ZFP14: variants seen among roughly 807,000 people sequenced by gnomAD.
ZFP14 encodes zinc finger protein 14 homolog.
In ZFP14, 22 loss-of-function variants were observed where a neutral mutation model predicts 54.5. The observed-to-expected ratio is 0.40, with a 90% CI of 0.29 to 0.58. The LOEUF is 0.58. Among genes scored for constraint, ZFP14 ranks in the 20% least tolerant of loss-of-function variants. ZFP14 has a pLI of 0.39. For synonymous variants in ZFP14, 159 were observed against 204.0 expected (o/e 0.78, Z 1.88); for missense variants, 470 against 637.8 (o/e 0.74, Z 2.83).
intron 1 of ZFP14, among the ~76,000 whole-genome samples, chr19:36,368,466 GA>G (rs2031829799): frequency 6.6e-6 from 1 of 152,138 alleles, no homozygotes; most frequent in African/African-American, 2.4e-5. Flanking sequence ...AAAAAAGAAA[GA>G]AATACAAGCT....
At chr19:36,357,483 C>T (rs1039078506) in intron 4 of ZFP14, among the ~76,000 whole-genome samples, 3 of 152,146 alleles carry the variant, frequency 2.0e-5, no homozygotes, top group African/African-American at 7.2e-5. Context: ...GTCTAAAAAC[C>T]ATCTCAAATT....
intron 1 of ZFP14, among the ~76,000 whole-genome samples, chr19:36,375,162 A>C (rs2031940805): frequency 6.6e-6 from 1 of 152,168 alleles, no homozygotes; most frequent in African/African-American, 2.4e-5. Context: ...GATGCCTATG[A>C]AGCCCTCCAG....
At chr19:36,360,676 C>T in intron 3 of ZFP14, 143 bp from the exon 4 acceptor site, 2 of 679,918 alleles carry the variant, frequency 2.9e-6, no homozygotes, top group South Asian at 2.5e-5. Context: ...TTGAAGAATG[C>T]TCATATTAAG....
In ZFP14 at chr19:36,338,610, C is replaced by T. The variant is rs1202007427; in HGVS notation, c.*1614G>A. 6.6e-6 allele frequency: 1 copy of T among 152,044 alleles called. No homozygotes were observed. The highest frequency in any genetic ancestry group is 2.4e-5 in the African/African-American group (1 of 41,402). 9.4% of individuals were successfully genotyped at this position (152,044 alleles called of 1,614,324 possible). A position where few individuals can be genotyped will look rare whatever the true frequency, so the allele number is the denominator to read the frequency against. On this transcript the variant is annotated 3_prime_UTR_variant, in exon 5 of 5. Coordinates refer to ENST00000270001, the MANE Select transcript of ZFP14 (RefSeq NM_020917.3). ...CTGTGCTTGTACCACTGCACTCCAG[C>T]CTGGGGGACAAAGTGACACCCTGTC... is the stretch of plus-strand genomic sequence containing the variant.
rs1485033081 is a variant in ZFP14, at chr19:36,338,914, G to T, written c.*1310C>A. ...TTAATTTCTTTTAAGCCACATTTTT[G>T]ATAGTTTCTAATTAATTTTAAACTG... On this transcript the variant is annotated 3_prime_UTR_variant, in exon 5 of 5. Transcript: ENST00000270001. 3.3e-5 allele frequency: 5 copies of T among 152,092 alleles called. No homozygotes were observed. The highest frequency in any genetic ancestry group is 6.6e-5 in the Admixed American group (1 of 15,256). The allele number at this position is 152,092 out of a possible 1,614,324, so 9.4% of individuals were successfully genotyped here. A position where few individuals can be genotyped will look rare whatever the true frequency, so the allele number is the denominator to read the frequency against.
chr19:36,343,816 G>C (rs1254124066), intron 4 of ZFP14, among the ~76,000 whole-genome samples: 6 of 152,052 alleles, frequency 3.9e-5, no homozygotes, highest in African/African-American at 1.4e-4. Context: ...GAGTGTGCTA[G>C]CTCAGGTGTC....
At chr19:36,367,306 G>A (rs1037525898) in intron 2 of ZFP14, among the ~76,000 whole-genome samples, 3 of 152,128 alleles carry the variant, frequency 2.0e-5, no homozygotes, top group East Asian at 1.9e-4. Flanking sequence ...GTTAACAGGA[G>A]GACATTCTGC....
At chr19:36,344,826 C>G (rs1261497704) in intron 4 of ZFP14, among the ~76,000 whole-genome samples, 2 of 152,172 alleles carry the variant, frequency 1.3e-5, no homozygotes, top group African/African-American at 2.4e-5. Flanking sequence ...CATTTTCTCC[C>G]GCCCCAGTCC....
Position 36,340,075 on chromosome 19 carries a change from T to C in ZFP14, c.*149A>G. ...AGGAATTTGCTGAAGATAAACCATG[T>C]TTAAATGGTGTTGGAAGGCTTTTAA... On this transcript the variant is annotated 3_prime_UTR_variant, in exon 5 of 5. Transcript: ENST00000270001. This position sits in a 1 kb window ranked among gnomAD's most constrained non-coding sequence, Gnocchi z 5.4. 1.2e-6 allele frequency: 1 copy of C among 810,624 alleles called. No individual in the cohort carries two copies. Among genetic ancestry groups the C allele is most frequent in the South Asian group, 3.1e-5 (1 of 32,780 alleles). 50.2% of individuals were successfully genotyped at this position (810,624 alleles called of 1,614,324 possible).
rs748284740 is a variant in ZFP14 at position 36,340,924 on chromosome 19, C to T, written c.902G>A (p.Arg301His). The T allele has an allele frequency of 3.7e-6, 6 of 1,613,332 alleles. No homozygotes were observed. Among genetic ancestry groups the T allele is most frequent in the South Asian group, 2.2e-5 (2 of 91,002 alleles). Residue 301 changes from arginine (R) to histidine (H), a missense_variant, in exon 5 of 5, where the codon CGC (arginine) becomes CAC (histidine). Physicochemically the swap from Arg to His is conservative, Grantham distance 29. Transcript: ENST00000270001. The surrounding 1 kb of genome is among the most constrained non-coding windows in gnomAD (Gnocchi z 5.4). The part of the protein sequence containing the change: ...KTFRQCTHLT[R>H]HQRLHTAEKL... Reference sequence around the variant, plus strand: ...TTCAGCAGTATGAAGTCTCTGATGGCGTGTAAGGTGTGTACACTGTCTAAA... The same window carrying T: ...TTCAGCAGTATGAAGTCTCTGATGGTGTGTAAGGTGTGTACACTGTCTAAA...
At chr19:36,354,004 G>A (rs2031572366) in intron 4 of ZFP14, among the ~76,000 whole-genome samples, 1 of 132,256 alleles carries the variant, frequency 7.6e-6, no homozygotes, top group South Asian at 2.5e-4. Flanking sequence ...GAACCCAGGA[G>A]TTCAAGGCTG....
intron 1 of ZFP14, among the ~76,000 whole-genome samples, chr19:36,376,559 A>G (rs986706238): frequency 6.6e-6 from 1 of 152,152 alleles, no homozygotes; most frequent in African/African-American, 2.4e-5. Flanking sequence ...AAAAAGAAAA[A>G]AAAAAAATTC....
In ZFP14 at chr19:36,336,002, T is replaced by C. The variant is rs2918366; in HGVS notation, c.*4222A>G. 0.37 allele frequency: 56,885 copies of C among 151,812 alleles called. 10,628 individuals carry two copies. Among genetic ancestry groups the C allele is most frequent in the Admixed American group, 0.42 (6,442 of 15,256 alleles). The allele number at this position is 151,812 out of a possible 1,614,324, so 9.4% of individuals were successfully genotyped here. The stretch of plus-strand genomic sequence containing the variant: ...CACCCACCTCGGCCTCCCAAAGTGC[T>C]GGGGTTACAGGTGTGAGCCACTGTG... On this transcript the variant is annotated 3_prime_UTR_variant, in exon 5 of 5. Transcript: ENST00000270001.
Position 36,338,921 on chromosome 19 carries a change from T to C in ZFP14, c.*1303A>G, listed in dbSNP as rs919664887. ...CTTTTAAGCCACATTTTTGATAGTT[T>C]CTAATTAATTTTAAACTGTGGTCAG... On this transcript the variant is annotated 3_prime_UTR_variant, in exon 5 of 5. Coordinates refer to ENST00000270001, the MANE Select transcript of ZFP14 (RefSeq NM_020917.3). 2.0e-5 allele frequency: 3 copies of C among 152,214 alleles called. No individual in the cohort carries two copies. Among genetic ancestry groups the C allele is most frequent in the Non-Finnish European group, 2.9e-5 (2 of 68,030 alleles). The allele number at this position is 152,214 out of a possible 1,614,324, so 9.4% of individuals were successfully genotyped here.
At chr19:36,349,671 C>CAA (rs11308808) in intron 4 of ZFP14, among the ~76,000 whole-genome samples, 20 of 133,934 alleles carry the variant, frequency 1.5e-4, no homozygotes, top group African/African-American at 5.2e-4. Context: ...TGTCTCAAAA[C>CAA]AAAAAAAAAA....
intron 4 of ZFP14, among the ~76,000 whole-genome samples, chr19:36,352,940 CAAA>C (rs35784696): frequency 1.1e-5 from 1 of 93,834 alleles, no homozygotes; most frequent in Non-Finnish European, 2.2e-5. Flanking sequence ...GACTCTGTCT[CAAA>C]AAAAAAAAAA....
intron 4 of ZFP14, among the ~76,000 whole-genome samples, chr19:36,345,669 T>C (rs2031401360): frequency 1.3e-5 from 2 of 152,210 alleles, no homozygotes; most frequent in South Asian, 2.1e-4. Flanking sequence ...GAATAGTTTG[T>C]GATCACTGCA....
chr19:36,363,189 CTTTTTTT>C (rs772799449), intron 2 of ZFP14, among the ~76,000 whole-genome samples: 10 of 97,736 alleles, frequency 1.0e-4, no homozygotes, highest in South Asian at 3.4e-4. Context: ...CTTTTCTTTT[CTTTTTTT>C]TTTTTTTTTT....
chr19:36,344,913 T>C (rs937599994), intron 4 of ZFP14, among the ~76,000 whole-genome samples: 7 of 152,212 alleles, frequency 4.6e-5, no homozygotes, highest in Non-Finnish European at 1.0e-4. Context: ...CATATTATAA[T>C]GATTTACTTA....
Sources: gnomAD v4.1 joint callset for allele counts (sites outside exome capture counted in the v4.1 genomes callset) on GRCh38, gnomAD v4.1.1 for gene constraint, Gnocchi (gnomAD v3.1) non-coding constraint, MANE v1.5 for transcripts, NCBI Gene and HGNC (gene_info 2026-07-23, HGNC 2026-07-21) for gene names.